The following CTNNA1 variants were observed in gnomAD, a reference collection of about 807,000 sequenced individuals.
CTNNA1 encodes catenin alpha-1.
In CTNNA1, 37 loss-of-function variants were observed where a neutral mutation model predicts 98.4. That is an observed-to-expected ratio of 0.38 (90% CI 0.29 to 0.49). The LOEUF (loss-of-function observed/expected upper bound fraction) is 0.49, where lower values mean the gene tolerates loss of function less well. CTNNA1 is among the 20% of genes least tolerant of loss of function. The pLI is 0.95. For synonymous variants in CTNNA1, 404 were observed against 413.2 expected (o/e 0.98, Z 0.27); for missense variants, 761 against 1,147.2 (o/e 0.66, Z 4.86).
At chr5:138,789,941 G>A (rs895896537) in intron 3 of CTNNA1, among the ~76,000 whole-genome samples, 2 of 152,100 alleles carry the variant, frequency 1.3e-5, no homozygotes, top group African/African-American at 4.8e-5. Context: ...TTTCCCCTTA[G>A]AAACTGAAAT....
intron 7 of CTNNA1, among the ~76,000 whole-genome samples, chr5:138,853,363 C>T (rs1426488177): frequency 1.3e-5 from 2 of 151,904 alleles, no homozygotes; most frequent in Non-Finnish European, 2.9e-5. Flanking sequence ...GTATTCTTTG[C>T]CCATTTTCTA....
intron 1 of CTNNA1, among the ~76,000 whole-genome samples, chr5:138,768,922 A>G (rs1753229132): frequency 1.3e-5 from 2 of 152,140 alleles, no homozygotes; most frequent in Admixed American, 1.3e-4. Flanking sequence ...TTCATCTAGC[A>G]TCTAGCAGGA....
intron 3 of CTNNA1, chr5:138,791,008 C>T (rs1383280990): frequency 1.3e-5 from 2 of 152,150 alleles, no homozygotes; most frequent in Admixed American, 1.3e-4. Context: ...AACTATACAT[C>T]CTTTGTCCCC....
At chr5:138,837,152 A>C (rs1036781344) in intron 7 of CTNNA1, among the ~76,000 whole-genome samples, 1 of 152,160 alleles carries the variant, frequency 6.6e-6, no homozygotes, top group Non-Finnish European at 1.5e-5. Context: ...AAATTATAGT[A>C]TACATTTCTA....
At chr5:138,843,464 G>T (rs1435610022) in intron 7 of CTNNA1, among the ~76,000 whole-genome samples, 1 of 152,154 alleles carries the variant, frequency 6.6e-6, no homozygotes, top group Non-Finnish European at 1.5e-5. Flanking sequence ...GGAAGGCCTT[G>T]TTTTATCCCA....
At chr5:138,830,433 G>A (rs2149792444) in intron 7 of CTNNA1, among the ~76,000 whole-genome samples, 1 of 152,314 alleles carries the variant, frequency 6.6e-6, no homozygotes, top group East Asian at 1.9e-4. Flanking sequence ...TGGTCTCTGG[G>A]TATGTTTCTC....
chr5:138,866,768 T>C (rs1430056741), intron 7 of CTNNA1, among the ~76,000 whole-genome samples: 2 of 152,226 alleles, frequency 1.3e-5, no homozygotes, highest in Admixed American at 1.3e-4. Flanking sequence ...AGGTTTAAGA[T>C]GTGTCCTTTA....
At chr5:138,776,569 C>T (rs1005339295) in intron 1 of CTNNA1, among the ~76,000 whole-genome samples, 1 of 152,204 alleles carries the variant, frequency 6.6e-6, no homozygotes, top group Non-Finnish European at 1.5e-5. Flanking sequence ...GCACACCTCC[C>T]AGACGGGGTG....
At position 138,764,776 on chromosome 5, in the gene CTNNA1, A is replaced by G. The variant is rs147837702; in HGVS notation, c.-3+11266A>G. Among the ~76,000 whole-genome samples, 605 of 151,032 alleles carry G rather than the reference A, an allele frequency of 4.0e-3. 3 individuals carry two copies. The highest frequency in any genetic ancestry group is 0.014 in the African/African-American group (574 of 41,110). On this transcript the variant is annotated intron_variant, in intron 1 of 17. Coordinates refer to ENST00000302763, the MANE Select transcript of CTNNA1 (RefSeq NM_001903.5). ...GTGTGCCACTGTACCTGGCCAGATGACATTTATTTCGGGTCTTTAAGACCA... is the reference window on the plus strand; with the variant it reads ...GTGTGCCACTGTACCTGGCCAGATGGCATTTATTTCGGGTCTTTAAGACCA...
rs113994520 is a variant in CTNNA1, at chr5:138,920,279, C to G, written c.1546+2381C>G. Among the ~76,000 whole-genome samples, 532 of 152,324 alleles carry G rather than the reference C, an allele frequency of 3.5e-3. 2 individuals carry two copies. Among genetic ancestry groups the G allele is most frequent in the African/African-American group, 0.011 (453 of 41,570 alleles). On this transcript the variant is annotated intron_variant, in intron 11 of 17. Coordinates refer to ENST00000302763, the MANE Select transcript of CTNNA1 (RefSeq NM_001903.5). Reference sequence around the variant, plus strand: ...ACAGGCATGAGCCACCGTGCCCGGTCTAGGTGTCACACTTTTTATTTCGGG... The same window carrying G: ...ACAGGCATGAGCCACCGTGCCCGGTGTAGGTGTCACACTTTTTATTTCGGG...
intron 7 of CTNNA1, among the ~76,000 whole-genome samples, chr5:138,868,371 G>A (rs1224846581): frequency 2.6e-5 from 4 of 152,290 alleles, no homozygotes; most frequent in Non-Finnish European, 2.9e-5. Flanking sequence ...TCACTGAGTC[G>A]TCATCCAGGG....
intron 5 of CTNNA1, among the ~76,000 whole-genome samples, chr5:138,820,127 G>A (rs1759881627): frequency 1.3e-5 from 2 of 149,138 alleles, no homozygotes; most frequent in Non-Finnish European, 2.9e-5. Flanking sequence ...AGCAGTGCAA[G>A]TATGGGCTAA....
chr5:138,841,316 A>G (rs995288165), intron 7 of CTNNA1, among the ~76,000 whole-genome samples: 2 of 151,988 alleles, frequency 1.3e-5, no homozygotes, highest in Admixed American at 6.6e-5. Context: ...CTGGAGTGCA[A>G]TGGTGTGATC....
intron 3 of CTNNA1, among the ~76,000 whole-genome samples, chr5:138,790,033 A>G (rs1454158791): frequency 1.3e-5 from 2 of 152,206 alleles, no homozygotes; most frequent in Non-Finnish European, 2.9e-5. Flanking sequence ...GAGTTTTTGC[A>G]GGGAGATTAG....
At chr5:138,813,087 A>G (rs1184234045) in intron 5 of CTNNA1, among the ~76,000 whole-genome samples, 1 of 152,156 alleles carries the variant, frequency 6.6e-6, no homozygotes, top group Non-Finnish European at 1.5e-5. Context: ...TGCTTGAAAA[A>G]TGGGGGATTT....
intron 10 of CTNNA1, among the ~76,000 whole-genome samples, chr5:138,907,421 G>A (rs1759510496): frequency 3.3e-5 from 5 of 152,130 alleles, no homozygotes; most frequent in Admixed American, 3.3e-4. Context: ...AATCTTTGAG[G>A]AGGATAACTC....
rs1763769197 is a variant in CTNNA1 at position 138,925,271 on chromosome 5, C to T, written c.1763C>T (p.Thr588Ile). 6.2e-7 allele frequency: 1 copy of T among 1,613,988 alleles called. No individual in the cohort carries two copies. Among genetic ancestry groups the T allele is most frequent in the Admixed American group, 1.7e-5 (1 of 59,992 alleles). ...TTCTCCACAGTCATGCCACGTTTTA[C>T]TGAGCAAGTAGAAGCAGCCGTGGAA... is the stretch of plus-strand genomic sequence containing the variant. ...LLSNTVMPRF[T>I]EQVEAAVEAL... Residue 588 changes from threonine to isoleucine, a missense_variant, in exon 13 of 18, where the codon ACT becomes ATT. This residue lies in a region of CTNNA1 where 287 missense variants were observed against 436.0 expected (regional missense o/e 0.66). Coordinates refer to ENST00000302763, the MANE Select transcript of CTNNA1 (RefSeq NM_001903.5).
intron 3 of CTNNA1, among the ~76,000 whole-genome samples, chr5:138,800,453 G>T (rs977384566): frequency 2.0e-5 from 3 of 152,094 alleles, no homozygotes; most frequent in Non-Finnish European, 2.9e-5. Context: ...GATAACAGGG[G>T]AAGCAGCTTC....
chr5:138,922,641 G>A (rs1279231292), intron 11 of CTNNA1, among the ~76,000 whole-genome samples: 1 of 152,104 alleles, frequency 6.6e-6, no homozygotes, highest in Non-Finnish European at 1.5e-5. Flanking sequence ...ATGATGTATG[G>A]TTTCAGTTAA....
Sources: allele counts gnomAD v4.1 joint callset (sites outside exome capture counted in the v4.1 genomes callset), GRCh38; gene constraint gnomAD v4.1.1; regional missense constraint gnomAD v4.1.1; transcripts MANE v1.5; gene names NCBI Gene and HGNC (gene_info 2026-07-23, HGNC 2026-07-21).